MAP4K4: variants seen among roughly 807,000 people sequenced by gnomAD.
The protein encoded by MAP4K4 is HPK/GCK-like kinase HGK.
In MAP4K4, 38 loss-of-function variants were observed where a neutral mutation model predicts 189.6. The ratio of observed to expected loss-of-function variants is 0.20; its 90% CI spans 0.15 to 0.26. The LOEUF is 0.26. Ranked by LOEUF, MAP4K4 falls within the 10% of genes least tolerant of loss-of-function variation. MAP4K4 has a pLI of 1.00. For synonymous variants in MAP4K4, 610 were observed against 624.3 expected (o/e 0.98, Z 0.34); for missense variants, 1,054 against 1,726.9 (o/e 0.61, Z 6.91).
chr2:101,707,511 C>T (rs1254585500), intron 2 of MAP4K4, among the ~76,000 whole-genome samples: 4 of 151,828 alleles, frequency 2.6e-5, no homozygotes, highest in Non-Finnish European at 5.9e-5. Flanking sequence ...CCCTGGTCTG[C>T]CTGTCTGTCT....
intron 2 of MAP4K4, among the ~76,000 whole-genome samples, chr2:101,705,226 A>G (rs2041658148): frequency 6.6e-6 from 1 of 152,208 alleles, no homozygotes; most frequent in Non-Finnish European, 1.5e-5. Context: ...GGTACTGTGG[A>G]TGTGTGCTGG....
At chr2:101,814,228 C>T (rs1437675699) in intron 3 of MAP4K4, among the ~76,000 whole-genome samples, 2 of 152,086 alleles carry the variant, frequency 1.3e-5, no homozygotes, top group Non-Finnish European at 2.9e-5. Flanking sequence ...TATGCTTATC[C>T]CTGAATTTTG....
chr2:101,751,062 G>A (rs951433497), intron 2 of MAP4K4, among the ~76,000 whole-genome samples: 16 of 151,686 alleles, frequency 1.1e-4, no homozygotes, highest in Non-Finnish European at 1.3e-4. Flanking sequence ...TTCTTGTTTC[G>A]TTGGGGGGTG....
intron 2 of MAP4K4, among the ~76,000 whole-genome samples, chr2:101,780,113 C>T (rs1269783815): frequency 1.3e-5 from 2 of 152,124 alleles, no homozygotes; most frequent in African/African-American, 4.8e-5. Flanking sequence ...CGTAGGTTCA[C>T]GGGCAGTGTA....
intron 2 of MAP4K4, among the ~76,000 whole-genome samples, chr2:101,747,293 A>G (rs371696521): frequency 9.9e-5 from 15 of 151,928 alleles, no homozygotes; most frequent in African/African-American, 3.6e-4. Flanking sequence ...TAATTTTTGT[A>G]TTTTTAATAG....
At chr2:101,801,643 C>T (rs1053852914) in intron 3 of MAP4K4, among the ~76,000 whole-genome samples, 2 of 152,146 alleles carry the variant, frequency 1.3e-5, no homozygotes, top group African/African-American at 2.4e-5. Context: ...GGTGGAAACC[C>T]TACCCAGATC....
At chr2:101,752,007 G>A (rs749960494) in intron 2 of MAP4K4, among the ~76,000 whole-genome samples, 1 of 152,106 alleles carries the variant, frequency 6.6e-6, no homozygotes, top group Non-Finnish European at 1.5e-5. Flanking sequence ...GATCCTCATA[G>A]AGCAGGTGAC....
intron 2 of MAP4K4, among the ~76,000 whole-genome samples, chr2:101,774,782 C>G (rs970867944): frequency 1.2e-4 from 19 of 152,240 alleles, no homozygotes; most frequent in Admixed American, 8.5e-4. Flanking sequence ...CTCATCACCC[C>G]AAAAGCCCCT....
chr2:101,708,857 T>A (rs77129764), intron 2 of MAP4K4, among the ~76,000 whole-genome samples: 6,518 of 152,322 alleles, frequency 0.043, 196 homozygotes, highest in Non-Finnish European at 0.07. Flanking sequence ...AATGGAATCC[T>A]ACAACGTATG....
At chr2:101,794,405 G>A (rs2093422320) in intron 3 of MAP4K4, among the ~76,000 whole-genome samples, 1 of 152,180 alleles carries the variant, frequency 6.6e-6, no homozygotes, top group Non-Finnish European at 1.5e-5. Context: ...GTTTGTCTCT[G>A]AGAACAGAAT....
intron 2 of MAP4K4, among the ~76,000 whole-genome samples, chr2:101,720,530 A>G (rs2051235379): frequency 6.6e-6 from 1 of 152,116 alleles, no homozygotes; most frequent in South Asian, 2.1e-4. Context: ...AGTGAGGTGG[A>G]GGGACTGACT....
chr2:101,870,166 CT>C (rs1417472499), intron 22 of MAP4K4, 128 bp from the exon 23 acceptor site: 23 of 954,912 alleles, frequency 2.4e-5, no homozygotes, highest in Non-Finnish European at 3.5e-5. Flanking sequence ...TAAGCAGTTG[CT>C]TTTTTGGAGG....
At chr2:101,722,479 A>G (rs1023876680) in intron 2 of MAP4K4, among the ~76,000 whole-genome samples, 6 of 152,186 alleles carry the variant, frequency 3.9e-5, no homozygotes, top group Non-Finnish European at 7.4e-5. Context: ...CTTCTTAGCT[A>G]GTTTTATATT....
intron 12 of MAP4K4, among the ~76,000 whole-genome samples, chr2:101,849,681 C>T (rs1302227063): frequency 6.9e-6 from 1 of 145,556 alleles, no homozygotes; most frequent in Non-Finnish European, 1.5e-5. Context: ...TTCCTCTGTA[C>T]TTTCATGACA....
At chr2:101,825,940 T>G (rs1428412447) in intron 5 of MAP4K4, among the ~76,000 whole-genome samples, 5 of 152,188 alleles carry the variant, frequency 3.3e-5, no homozygotes, top group African/African-American at 9.7e-5. Context: ...GATCTTAGAG[T>G]AAGTTTCTGA....
At chr2:101,885,415 T>C (rs961881964) in intron 29 of MAP4K4, 128 bp downstream of exon 29, 1 of 557,724 alleles carries the variant, frequency 1.8e-6, no homozygotes, top group Non-Finnish European at 3.2e-6. Context: ...ATATAGCATA[T>C]AACTTTATCA....
chr2:101,850,874 T>C (rs970880019), intron 12 of MAP4K4, among the ~76,000 whole-genome samples: 1 of 152,336 alleles, frequency 6.6e-6, no homozygotes, highest in Middle Eastern at 3.4e-3. Flanking sequence ...AGTTCTCCAC[T>C]GTAGCTTCAT....
chr2:101,769,471 C>G (rs1206955548), intron 2 of MAP4K4, among the ~76,000 whole-genome samples: 1 of 152,114 alleles, frequency 6.6e-6, no homozygotes, highest in Admixed American at 6.6e-5. Flanking sequence ...GAAAATTACT[C>G]AAGATTTTTG....
chr2:101,785,365 G>A (rs1023326167), intron 2 of MAP4K4, among the ~76,000 whole-genome samples: 1 of 152,192 alleles, frequency 6.6e-6, no homozygotes, highest in Admixed American at 6.5e-5. Flanking sequence ...GCTCTGTGAC[G>A]GAAGGTTGGA....
Sources: allele counts gnomAD v4.1 joint callset (sites outside exome capture counted in the v4.1 genomes callset), GRCh38; gene constraint gnomAD v4.1.1; transcripts MANE v1.5; gene names NCBI Gene and HGNC (gene_info 2026-07-23, HGNC 2026-07-21).